PRMT2: variants seen among roughly 807,000 people sequenced by gnomAD.
PRMT2 encodes the protein protein arginine N-methyltransferase 2.
A neutral mutation model predicts 57.6 loss-of-function variants in PRMT2; 26 were observed. The ratio of observed to expected loss-of-function variants is 0.45; its 90% confidence interval spans 0.33 to 0.63. PRMT2 has a LOEUF of 0.63. Ranked by LOEUF, PRMT2 falls within the 20% of genes least tolerant of loss-of-function variation. PRMT2 has a pLI of 0.02. For missense variants in PRMT2, 472 were observed against 564.4 expected (o/e 0.84, Z 1.66); for synonymous variants, 219 against 220.0 (o/e 1.00, Z 0.04).
intron 3 of PRMT2, 62 bp from the exon 4 acceptor site, chr21:46,643,473 G>GC: frequency 2.8e-6 from 2 of 709,516 alleles, no homozygotes; most frequent in South Asian, 2.6e-5. Flanking sequence ...TAATAATATA[G>GC]CCAAAAAAAA....
chr21:46,636,786 A>C, intron 2 of PRMT2, 110 bp from the exon 3 acceptor site: 1 of 607,264 alleles, frequency 1.6e-6, no homozygotes, highest in South Asian at 2.1e-5. Flanking sequence ...TCACACATAC[A>C]CATTTTACTT....
At chr21:46,659,182 T>G in intron 8 of PRMT2, 2 of 1,204,864 alleles carry the variant, frequency 1.7e-6, no homozygotes, top group Non-Finnish European at 2.1e-6. Flanking sequence ...TAGGAGGGAG[T>G]GAGGGCCAAG....
intron 7 of PRMT2, chr21:46,651,936 G>T (rs781366183): frequency 6.2e-7 from 1 of 1,613,226 alleles, no homozygotes; most frequent in Admixed American, 1.7e-5. Flanking sequence ...CTCCTTGCCT[G>T]CTGTCTGCCT....
rs762804016 is a variant in PRMT2 at position 46,663,450 on chromosome 21, G to C, written c.1165G>C (p.Val389Leu). The C allele has an allele frequency of 1.7e-5, 27 of 1,614,126 alleles. No homozygotes were observed. In the Admixed American group the frequency reaches 4.5e-4, roughly 27 times the overall value. The stretch of plus-strand genomic sequence containing the variant: ...AGTCCCTGTCCATACAGGAGACGTG[G>C]TCACGGGTTCAGTTGTGTTGCAGAG... ...DPVPVHTGDVVTGSVVLQRNP... is the reference protein window; with the variant it reads ...DPVPVHTGDVLTGSVVLQRNP... Residue 389 changes from valine (V) to leucine (L), a missense_variant, in exon 11 of 12, where the codon GTC becomes CTC. Transcript: ENST00000355680.
chr21:46,644,608 C>A, intron 5 of PRMT2, 120 bp downstream of exon 5: 2 of 977,348 alleles, frequency 2.0e-6, no homozygotes, highest in Non-Finnish European at 1.5e-6. Flanking sequence ...TCTGTTGTAG[C>A]CACTCAGCTC....
At chr21:46,656,639 A>C (rs2061545821) in intron 7 of PRMT2, among the ~76,000 whole-genome samples, 1 of 152,224 alleles carries the variant, frequency 6.6e-6, no homozygotes, top group Non-Finnish European at 1.5e-5. Context: ...TATCTAAAAA[A>C]CAACACCTCA....
intron 8 of PRMT2, chr21:46,659,521 G>A (rs1289485127): frequency 7.2e-6 from 7 of 966,260 alleles, no homozygotes; most frequent in Non-Finnish European, 6.2e-6. Flanking sequence ...CAGGCAAACC[G>A]CAAAAAATAA....
chr21:46,638,981 C>T (rs140055199), intron 3 of PRMT2, among the ~76,000 whole-genome samples: 11 of 152,042 alleles, frequency 7.2e-5, no homozygotes, highest in Non-Finnish European at 1.2e-4. Context: ...GATTTTAAAC[C>T]TTTCTTTAAT....
intron 3 of PRMT2, among the ~76,000 whole-genome samples, chr21:46,640,582 C>T (rs1004729316): frequency 6.6e-5 from 10 of 151,976 alleles, no homozygotes; most frequent in African/African-American, 2.2e-4. Context: ...GCTGGGACTA[C>T]AGGTGACCAC....
chr21:46,646,205 A>C (rs908126386), intron 5 of PRMT2, among the ~76,000 whole-genome samples: 1 of 152,228 alleles, frequency 6.6e-6, no homozygotes, highest in East Asian at 1.9e-4. Context: ...CTATATAACA[A>C]TACTTGACTA....
chr21:46,651,604 C>A (rs1164750340), intron 7 of PRMT2, among the ~76,000 whole-genome samples: 1 of 152,050 alleles, frequency 6.6e-6, no homozygotes, highest in African/African-American at 2.4e-5. Context: ...GCAGTTCCGA[C>A]TTCAGACTCC....
chr21:46,659,515 C>T, intron 8 of PRMT2: 1 of 970,014 alleles, frequency 1.0e-6, no homozygotes, highest in Non-Finnish European at 1.2e-6. Context: ...TGTGAACAGG[C>T]AAACCGCAAA....
intron 7 of PRMT2, chr21:46,658,473 A>C (rs2061571539): frequency 2.5e-6 from 1 of 398,954 alleles, no homozygotes; most frequent in African/African-American, 2.1e-5. Flanking sequence ...GACAAGAGTG[A>C]AGATTTGTCC....
chr21:46,662,407 C>T (rs2061643691), intron 10 of PRMT2, among the ~76,000 whole-genome samples: 2 of 152,210 alleles, frequency 1.3e-5, no homozygotes, highest in Non-Finnish European at 2.9e-5. Context: ...GGGTTGGCTA[C>T]CCCGCTCTGG....
intron 4 of PRMT2, among the ~76,000 whole-genome samples, chr21:46,644,032 G>A (rs1262049373): frequency 6.6e-6 from 1 of 152,184 alleles, no homozygotes; most frequent in Non-Finnish European, 1.5e-5. Context: ...ACAATGAAGA[G>A]GCTGTTGAGA....
At chr21:46,654,991 C>A (rs146718203) in intron 7 of PRMT2, 2 of 828,714 alleles carry the variant, frequency 2.4e-6, no homozygotes, top group Non-Finnish European at 2.9e-6. Context: ...CTTTTGAAAA[C>A]TGCAAATTAC....
chr21:46,658,512 T>C, intron 7 of PRMT2: 2 of 610,736 alleles, frequency 3.3e-6, no homozygotes, highest in Non-Finnish European at 5.2e-6. Flanking sequence ...CAGTTCATAG[T>C]TCTAATGGGA....
At chr21:46,655,403 A>G (rs998256914) in intron 7 of PRMT2, among the ~76,000 whole-genome samples, 1 of 152,228 alleles carries the variant, frequency 6.6e-6, no homozygotes, top group Non-Finnish European at 1.5e-5. Flanking sequence ...GGCTGGTTCA[A>G]TATTTGAAAA....
At chr21:46,645,459 C>G (rs569923326) in intron 5 of PRMT2, among the ~76,000 whole-genome samples, 3 of 152,116 alleles carry the variant, frequency 2.0e-5, no homozygotes, top group Admixed American at 6.6e-5. Flanking sequence ...GAACCAGACT[C>G]TGTCCCTAAA....
Sources: allele counts gnomAD v4.1 joint callset (sites outside exome capture counted in the v4.1 genomes callset), GRCh38; gene constraint gnomAD v4.1.1; transcripts MANE v1.5; gene names NCBI Gene and HGNC (gene_info 2026-07-23, HGNC 2026-07-21).